PTPRG: variants seen among roughly 807,000 people sequenced by gnomAD.
The protein encoded by PTPRG is protein tyrosine phosphatase receptor type G.
PTPRG carries 102 observed loss-of-function variants against 165.3 expected under a neutral mutation model. The observed-to-expected ratio is 0.62, with a 90% CI of 0.53 to 0.73. The LOEUF (loss-of-function observed/expected upper bound fraction) is 0.73, where lower values mean the gene tolerates loss of function less well. Among genes scored for constraint, PTPRG ranks in the 30% least tolerant of loss-of-function variants. The probability of loss-of-function intolerance (pLI) is 0.00; values close to 1 mark genes in which losing one functional copy is unlikely to be tolerated. For missense variants in PTPRG, 1,866 were observed against 1,861.4 expected, an observed-to-expected ratio of 1.00 and a Z score of -0.05; for synonymous variants, 675 against 669.5, an observed-to-expected ratio of 1.01 and a Z score of -0.13.
intron 8 of PTPRG, among the ~76,000 whole-genome samples, chr3:62,186,947 G>T (rs1699673174): frequency 6.6e-6 from 1 of 152,222 alleles, no homozygotes; most frequent in African/African-American, 2.4e-5. Flanking sequence ...AAGCCATGAG[G>T]CTGACGATGT....
At chr3:62,177,091 A>C (rs1320311911) in intron 8 of PTPRG, among the ~76,000 whole-genome samples, 1 of 152,040 alleles carries the variant, frequency 6.6e-6, no homozygotes, top group Non-Finnish European at 1.5e-5. Context: ...GTGAGACCCC[A>C]TCTCCACCAA....
At chr3:61,843,266 G>A (rs986975854) in intron 2 of PTPRG, among the ~76,000 whole-genome samples, 1 of 151,808 alleles carries the variant, frequency 6.6e-6, no homozygotes, top group African/African-American at 2.4e-5. Context: ...CAAAATCAAG[G>A]GTTTATACTG....
intron 4 of PTPRG, among the ~76,000 whole-genome samples, chr3:62,043,609 A>G (rs1267542470): frequency 6.6e-6 from 1 of 152,242 alleles, no homozygotes; most frequent in African/African-American, 2.4e-5. Flanking sequence ...AATATGCGGC[A>G]ATTCAGAGAA....
chr3:61,882,362 A>G (rs536687890), intron 2 of PTPRG, among the ~76,000 whole-genome samples: 47 of 152,338 alleles, frequency 3.1e-4, no homozygotes, highest in Admixed American at 5.9e-4. Flanking sequence ...TGGGAAGCCA[A>G]AATGTCCCTG....
chr3:61,602,554 A>T (rs1256539683), intron 1 of PTPRG, among the ~76,000 whole-genome samples: 1 of 152,232 alleles, frequency 6.6e-6, no homozygotes, highest in African/African-American at 2.4e-5. Context: ...TGAATGCTTT[A>T]TGGGATCAGG....
intron 2 of PTPRG, among the ~76,000 whole-genome samples, chr3:61,912,138 A>T (rs1575777285): frequency 6.6e-6 from 1 of 151,888 alleles, no homozygotes; most frequent in Admixed American, 6.6e-5. Context: ...GCCTCATAGG[A>T]TTTCCTTCTA....
At chr3:61,749,275 TG>T (rs2033338385) in intron 2 of PTPRG, 2 of 433,372 alleles carry the variant, frequency 4.6e-6, no homozygotes, top group Non-Finnish European at 8.6e-6. Context: ...GACGTAGTCT[TG>T]TCTTTTCTGT....
In PTPRG at chr3:62,273,648, G is replaced by A. The variant is rs1250370593; in HGVS notation, c.3319-50G>A. The A allele has an allele frequency of 6.3e-7, 1 of 1,580,594 alleles. No homozygotes were observed. Among genetic ancestry groups the A allele is most frequent in the Non-Finnish European group, 8.7e-7 (1 of 1,151,354 alleles). On this transcript the variant is annotated intron_variant, in intron 22 of 29. Coordinates refer to ENST00000474889, the MANE Select transcript of PTPRG (RefSeq NM_002841.4). The surrounding 1 kb of genome is among the most constrained non-coding windows in gnomAD (Gnocchi z 4.1). ...ACTAAGGTACACTTCATGAATGAGT[G>A]GCTAACCCTTAACACTCCCTCAGTG...
intron 1 of PTPRG, among the ~76,000 whole-genome samples, chr3:61,587,370 A>G (rs1700457151): frequency 1.3e-5 from 2 of 152,056 alleles, no homozygotes; most frequent in Admixed American, 6.5e-5. Context: ...CTCTCTATGC[A>G]CATACACTCT....
intron 8 of PTPRG, among the ~76,000 whole-genome samples, chr3:62,183,809 G>A (rs760289359): frequency 2.6e-5 from 4 of 152,212 alleles, no homozygotes; most frequent in Non-Finnish European, 4.4e-5. Context: ...ACTGAGAAGG[G>A]AGTGGGGATG....
At chr3:61,780,361 A>T (rs914484235) in intron 2 of PTPRG, among the ~76,000 whole-genome samples, 1 of 152,188 alleles carries the variant, frequency 6.6e-6, no homozygotes, top group Admixed American at 6.5e-5. Flanking sequence ...AATTACAAGA[A>T]TGCTTAATGA....
At chr3:61,978,037 A>T (rs1427152144) in intron 2 of PTPRG, among the ~76,000 whole-genome samples, 1 of 152,218 alleles carries the variant, frequency 6.6e-6, no homozygotes, top group East Asian at 1.9e-4. Flanking sequence ...TTTTTAGTAG[A>T]GACGGGGTTT....
chr3:61,575,436 G>T (rs1700153851), intron 1 of PTPRG, among the ~76,000 whole-genome samples: 1 of 152,060 alleles, frequency 6.6e-6, no homozygotes, highest in Admixed American at 6.5e-5. Flanking sequence ...GTACCAGAGT[G>T]AATCCTAGCT....
At chr3:61,781,964 C>G (rs1451881928) in intron 2 of PTPRG, among the ~76,000 whole-genome samples, 2 of 150,684 alleles carry the variant, frequency 1.3e-5, no homozygotes, top group Non-Finnish European at 2.9e-5. Flanking sequence ...CTCCTGGGCT[C>G]AAGCAATTCT....
At chr3:62,166,659 C>G (rs1488359154) in intron 7 of PTPRG, among the ~76,000 whole-genome samples, 2 of 151,654 alleles carry the variant, frequency 1.3e-5, no homozygotes, top group East Asian at 3.9e-4. Context: ...TTAATGATCA[C>G]AATGTTGAGG....
At chr3:61,753,585 G>GATTTTTTTTT in intron 2 of PTPRG, 1 of 362,970 alleles carries the variant, frequency 2.8e-6, no homozygotes, top group African/African-American at 2.6e-5. Flanking sequence ...AAATTTGAGG[G>GATTTTTTTTT]TTTTTTTTTT....
chr3:62,109,072 A>G (rs142082191), intron 5 of PTPRG, among the ~76,000 whole-genome samples: 109,794 of 151,658 alleles, frequency 0.72, 40,002 homozygotes, highest in Middle Eastern at 0.8. Context: ...GTCAATTTTG[A>G]CTTTTGTTGC....
rs1553657857 is a variant in PTPRG, at chr3:61,738,324, A to ATATATGTG, written c.86-10549_86-10548insGTGTATAT. On this transcript the variant is annotated intron_variant, in intron 1 of 29. Coordinates refer to ENST00000474889, the MANE Select transcript of PTPRG (RefSeq NM_002841.4). ...TATATATATATATACATATATATAT[A>ATATATGTG]TATATATATATATGTATATATATAT... Among the ~76,000 whole-genome samples, 51 of 93,650 alleles carry ATATATGTG rather than the reference A, an allele frequency of 5.4e-4. 8 individuals carry two copies. The highest frequency in any genetic ancestry group is 1.7e-3 in the Admixed American group (14 of 8,392). 61.4% of individuals were successfully genotyped at this position (93,650 alleles called of 152,430 possible).
intron 1 of PTPRG, among the ~76,000 whole-genome samples, chr3:61,659,843 A>G (rs567175389): frequency 6.6e-6 from 1 of 152,360 alleles, no homozygotes; most frequent in Admixed American, 6.5e-5. Flanking sequence ...TTTAATTAGA[A>G]GAAATGAATG....
Sources: gnomAD v4.1 joint callset for allele counts (sites outside exome capture counted in the v4.1 genomes callset) on GRCh38, gnomAD v4.1.1 for gene constraint, Gnocchi (gnomAD v3.1) non-coding constraint, MANE v1.5 for transcripts, NCBI Gene and HGNC (gene_info 2026-07-23, HGNC 2026-07-21) for gene names.